RAB3GAP1: variants seen among roughly 807,000 people sequenced by gnomAD.
The protein encoded by RAB3GAP1 is RAB3 GTPase activating protein catalytic subunit 1.
In RAB3GAP1, 86 loss-of-function variants were observed where a neutral mutation model predicts 130.7. That is an observed-to-expected ratio of 0.66 (90% CI 0.55 to 0.79). RAB3GAP1 has a LOEUF of 0.79. Among genes scored for constraint, RAB3GAP1 ranks in the 30% least tolerant of loss-of-function variants. The pLI, the probability that RAB3GAP1 is intolerant of heterozygous loss-of-function variation, is 0.00. For missense variants in RAB3GAP1, 1,029 were observed against 1,169.4 expected, an observed-to-expected ratio of 0.88 and a Z score of 1.75; for synonymous variants, 367 against 401.7, an observed-to-expected ratio of 0.91 and a Z score of 1.03.
chr2:135,073,147 A>C (rs920831544), intron 3 of RAB3GAP1, among the ~76,000 whole-genome samples: 1 of 152,246 alleles, frequency 6.6e-6, no homozygotes, highest in Non-Finnish European at 1.5e-5. Flanking sequence ...TGGAATATTT[A>C]GACATTGCCG....
chr2:135,149,824 T>G (rs1453238243), intron 17 of RAB3GAP1, among the ~76,000 whole-genome samples: 1 of 152,028 alleles, frequency 6.6e-6, no homozygotes, highest in Non-Finnish European at 1.5e-5. Flanking sequence ...TGGCTAATTT[T>G]GTTTTTGTAT....
At chr2:135,121,267 A>G (rs1691192290) in intron 8 of RAB3GAP1, among the ~76,000 whole-genome samples, 1 of 152,230 alleles carries the variant, frequency 6.6e-6, no homozygotes, top group South Asian at 2.1e-4. Flanking sequence ...TTCTCAGCTC[A>G]CCCTCATAAA....
chr2:135,078,687 CCCCTG>C, intron 3 of RAB3GAP1, among the ~76,000 whole-genome samples: 1 of 73,628 alleles, frequency 1.4e-5, no homozygotes, highest in Non-Finnish European at 2.4e-5. Flanking sequence ...CCCCTCCCCT[CCCCTG>C]CCCTCCCCTC....
chr2:135,162,383 T>C lies in RAB3GAP1; in HGVS notation c.2290-172T>C, dbSNP rs1573611631. On this transcript the variant is annotated intron_variant, in intron 19 of 23. Coordinates refer to ENST00000264158, the MANE Select transcript of RAB3GAP1 (RefSeq NM_012233.3). ...TATTTATAATTATTAAAGATTGAAGTTCTTAGGTGCTTTCAGTAACATTAT... is the reference window on the plus strand; with the variant it reads ...TATTTATAATTATTAAAGATTGAAGCTCTTAGGTGCTTTCAGTAACATTAT... 7.5e-6 allele frequency: 5 copies of C among 669,460 alleles called. No homozygotes were observed. The East Asian group carries it at 1.4e-4, about 18-fold the overall frequency. 41.5% of individuals were successfully genotyped at this position (669,460 alleles called of 1,614,324 possible).
At chr2:135,061,875 A>G (rs960034574) in intron 3 of RAB3GAP1, among the ~76,000 whole-genome samples, 2 of 152,030 alleles carry the variant, frequency 1.3e-5, no homozygotes, top group South Asian at 2.1e-4. Context: ...GTGTATGGAT[A>G]TCCTGTTGTT....
In RAB3GAP1 at chr2:135,078,873, T is replaced by C. The variant is rs551158201; in HGVS notation, c.151-12125T>C. Among the ~76,000 whole-genome samples the C allele has an allele frequency of 9.1e-4, 138 of 151,704 alleles. 1 individual carries two copies. The highest frequency in any genetic ancestry group is 3.0e-3 in the African/African-American group (124 of 41,320). On this transcript the variant is annotated intron_variant, in intron 3 of 23. Transcript: ENST00000264158. ...TTTTTTATTTTTTGTAGAAATGTGG[T>C]TTCTCTTTTTTTGAGACGGAGTCTC...
intron 17 of RAB3GAP1, among the ~76,000 whole-genome samples, chr2:135,144,094 C>T (rs189779420): frequency 2.2e-3 from 342 of 152,298 alleles, no homozygotes; most frequent in African/African-American, 6.0e-3. Context: ...GGCTTGTGCA[C>T]CAGCTTAGCT....
In RAB3GAP1 at chr2:135,164,587, C is replaced by T. The variant is rs765255202; in HGVS notation, c.2607-7C>T. ...CCACCCTTTCATTGCCTGTCTCTGT[C>T]TCCTAGGTTTGTGAGTTGCCTGCTG... is the stretch of plus-strand genomic sequence containing the variant. On this transcript the variant is annotated splice_region_variant and splice_polypyrimidine_tract_variant and intron_variant, in intron 22 of 23. Transcript: ENST00000264158. The T allele has an allele frequency of 1.2e-5, 20 of 1,602,682 alleles. No homozygotes were observed. In the East Asian group the frequency reaches 4.5e-4, roughly 36 times the overall value.
intron 3 of RAB3GAP1, among the ~76,000 whole-genome samples, chr2:135,064,762 T>G (rs548810465): frequency 6.6e-6 from 1 of 151,140 alleles, no homozygotes; most frequent in African/African-American, 2.4e-5. Context: ...TTTGTTTTTT[T>G]TTTTTTTTGA....
chr2:135,138,307 G>T (rs189295414), intron 17 of RAB3GAP1, among the ~76,000 whole-genome samples: 1 of 148,626 alleles, frequency 6.7e-6, no homozygotes, highest in Non-Finnish European at 1.5e-5. Flanking sequence ...AAAATTAGCC[G>T]ACTGGGGTAG....
chr2:135,069,023 AC>A lies in RAB3GAP1; in HGVS notation c.150+10938del, dbSNP rs1223972160. Among the ~76,000 whole-genome samples the A allele has an allele frequency of 8.5e-5, 13 of 152,364 alleles. No individual in the cohort carries two copies. In the East Asian group the frequency reaches 2.3e-3, roughly 27 times the overall value. ...TCATTTACGGGAGATTTTGGCAGTT[AC>A]ATCTCTATTGCTGTGACTCTTAACC... On this transcript the variant is annotated intron_variant, in intron 3 of 23. Transcript: ENST00000264158.
intron 17 of RAB3GAP1, among the ~76,000 whole-genome samples, chr2:135,148,945 C>T (rs775541317): frequency 2.6e-5 from 4 of 152,100 alleles, no homozygotes; most frequent in Admixed American, 1.3e-4. Context: ...TCATCACTTG[C>T]AAAATTCCCT....
chr2:135,092,398 G>C (rs1690167311), intron 4 of RAB3GAP1, among the ~76,000 whole-genome samples: 1 of 152,170 alleles, frequency 6.6e-6, no homozygotes, highest in African/African-American at 2.4e-5. Context: ...GAGATAAATA[G>C]ATAAAGGAGA....
chr2:135,144,937 G>A (rs1691953063), intron 17 of RAB3GAP1, among the ~76,000 whole-genome samples: 1 of 152,124 alleles, frequency 6.6e-6, no homozygotes, highest in African/African-American at 2.4e-5. Flanking sequence ...AATTACTGTT[G>A]ATGAAATAAA....
chr2:135,094,100 G>A (rs941725294), intron 5 of RAB3GAP1, among the ~76,000 whole-genome samples: 3 of 152,104 alleles, frequency 2.0e-5, no homozygotes, highest in Non-Finnish European at 2.9e-5. Flanking sequence ...GCAGGTGTTC[G>A]GCATAAATTA....
At chr2:135,172,556 T>G (rs1245006740), downstream of RAB3GAP1, among the ~76,000 whole-genome samples, 1 of 151,874 alleles carries the variant, frequency 6.6e-6, no homozygotes, top group Non-Finnish European at 1.5e-5. Context: ...GTGGTAGCCA[T>G]GGAGGGTAAA....
chr2:135,135,740 C>T lies in RAB3GAP1; in HGVS notation c.1731C>T (p.Ser577=), dbSNP rs763950498. The change falls in exon 17 of 24, where the codon TCC becomes TCT. Residue 577 remains serine, a synonymous_variant. Transcript: ENST00000264158. The part of the protein sequence containing the change: ...EKGEVGKSWD[S]WSDSEEEFFE... ...GAGAGGTAGGAAAATCTTGGGATTC[C>T]TGGAGTGACAGCGAAGAAGAATTTT... 9 of 1,613,900 alleles carry T rather than the reference C, an allele frequency of 5.6e-6. No homozygotes were observed. Among genetic ancestry groups the T allele is most frequent in the Non-Finnish European group, 7.6e-6 (9 of 1,179,926 alleles).
At chr2:135,086,645 C>G (rs1226653963) in intron 3 of RAB3GAP1, among the ~76,000 whole-genome samples, 1 of 146,386 alleles carries the variant, frequency 6.8e-6, no homozygotes, top group African/African-American at 2.5e-5. Context: ...TCCTGTAGTC[C>G]ATTGCTTCCC....
At chr2:135,124,427 A>G (rs1691290807) in intron 9 of RAB3GAP1, among the ~76,000 whole-genome samples, 181 bp downstream of exon 9, 1 of 152,204 alleles carries the variant, frequency 6.6e-6, no homozygotes, top group Admixed American at 6.5e-5. Context: ...GCGCTCTGGG[A>G]GGCTGCGGTG....
Sources: allele counts gnomAD v4.1 joint callset (sites outside exome capture counted in the v4.1 genomes callset), GRCh38; gene constraint gnomAD v4.1.1; transcripts MANE v1.5; gene names NCBI Gene and HGNC (gene_info 2026-07-23, HGNC 2026-07-21).